Variants in SEC16A observed in about 807,000 individuals in gnomAD.
The protein encoded by SEC16A is protein transport protein Sec16A.
In SEC16A, 110 loss-of-function variants were observed where a neutral mutation model predicts 221.9. That is an observed-to-expected ratio of 0.50 (90% CI 0.42 to 0.58). The LOEUF (loss-of-function observed/expected upper bound fraction) is 0.58, where lower values mean the gene tolerates loss of function less well. SEC16A is among the 20% of genes least tolerant of loss of function. The pLI, the probability that SEC16A is intolerant of heterozygous loss-of-function variation, is 0.00. For synonymous variants in SEC16A, 1,393 were observed against 1,257.7 expected (o/e 1.11, Z -2.28); for missense variants, 3,165 against 3,097.8 (o/e 1.02, Z -0.52).
At chr9:136,473,973 G>C in intron 3 of SEC16A, 76 bp downstream of exon 3, 4 of 1,457,060 alleles carry the variant, frequency 2.7e-6, no homozygotes, top group Non-Finnish European at 3.7e-6. Context: ...CACTACTAAG[G>C]AATACACTGT....
rs7860546 is a variant in SEC16A at position 136,444,055 on chromosome 9, A to G, written c.6928-155T>C. Reference sequence around the variant, plus strand: ...AGACACTTCTTGCAACACTGGATTTAGTTATTTAATGGTTCAGAGAAAAAT... The same window carrying G: ...AGACACTTCTTGCAACACTGGATTTGGTTATTTAATGGTTCAGAGAAAAAT... On this transcript the variant is annotated intron_variant, in intron 30 of 31. Coordinates refer to ENST00000684901, the MANE Select transcript of SEC16A (RefSeq NM_014866.2). The G allele has an allele frequency of 2.1e-3, 1,162 of 552,976 alleles. 17 individuals carry two copies. The highest frequency in any genetic ancestry group is 0.02 in the African/African-American group (1,037 of 51,640). 34.3% of individuals were successfully genotyped at this position (552,976 alleles called of 1,614,324 possible).
At chr9:136,484,470 A>C, upstream of SEC16A, 1 of 1,211,700 alleles carries the variant, frequency 8.3e-7, no homozygotes. Flanking sequence ...ACTCACCTGC[A>C]CACCTGCCTG....
intron 22 of SEC16A, among the ~76,000 whole-genome samples, chr9:136,452,264 T>C (rs1461749418): frequency 1.3e-5 from 2 of 148,588 alleles, no homozygotes; most frequent in Non-Finnish European, 3.0e-5. Context: ...CTGGCCAAGA[T>C]GGTGAAACCC....
In SEC16A at chr9:136,466,323, G is replaced by T. The variant is rs1050199551; in HGVS notation, c.4069C>A (p.Leu1357Met). The T allele has an allele frequency of 1.6e-5, 25 of 1,570,912 alleles. No individual in the cohort carries two copies. The highest frequency in any genetic ancestry group is 2.0e-5 in the Non-Finnish European group (23 of 1,158,730). Residue 1357 changes from leucine to methionine, a missense_variant, in exon 7 of 32, where the codon CTG becomes ATG. Leu to Met is a conservative substitution (Grantham distance 15). Transcript: ENST00000684901. This position sits in a 1 kb window ranked among gnomAD's most constrained non-coding sequence, Gnocchi z 5.5. ...SVHSEHSARSLHSAHSLASRR... is the reference protein window; with the variant it reads ...SVHSEHSARSMHSAHSLASRR... ...CTGGCCAGGCTGTGTGCGCTGTGCA[G>T]GCTCCGTGCCGAGTGCTCGCTGTGG...
chr9:136,459,478 T>C lies in SEC16A; in HGVS notation c.5269A>G (p.Thr1757Ala). 6.2e-7 allele frequency: 1 copy of C among 1,607,984 alleles called. No individual in the cohort carries two copies. The highest frequency in any genetic ancestry group is 8.5e-7 in the Non-Finnish European group (1 of 1,176,942). The part of the protein sequence containing the change: ...QAGFGVYTKK[T>A]TKLVLIGSNH... ...GATCCGATTAAGACAAGCTTTGTAG[T>C]TTTCTTCGTGTAAACACCAAATCCC... Residue 1757 changes from threonine to alanine, a missense_variant, in exon 16 of 32, where the codon ACT (threonine) becomes GCT (alanine). Thr to Ala is a moderately conservative substitution (Grantham distance 58). Transcript: ENST00000684901. The surrounding 1 kb of genome is among the most constrained non-coding windows in gnomAD (Gnocchi z 6.1).
At chr9:136,484,492 G>C, upstream of SEC16A, 1 of 1,224,380 alleles carries the variant, frequency 8.2e-7, no homozygotes, top group Non-Finnish European at 1.0e-6. Context: ...CAAGGGCAGG[G>C]AAGAGCCGCG....
rs1298147422 is a variant in SEC16A at position 136,475,473 on chromosome 9, G to A, written c.2143C>T (p.Pro715Ser). ...GTTGCTGGGCTCTCACACTTCACGG[G>A]CCCCTGGGTCCTGGCTGAAGGCCTC... ...EKRPSARTQG[P>S]VKCESPATTL... Residue 715 changes from proline (P) to serine (S), a missense_variant, in exon 3 of 32, where the codon CCC becomes TCC. By Grantham distance (74) the Pro-to-Ser change is moderately conservative. Around this residue, in one of 3 missense-constraint regions of SEC16A, gnomAD observed 2,030 missense variants for 1,923.1 expected, o/e 1.06. Coordinates refer to ENST00000684901, the MANE Select transcript of SEC16A (RefSeq NM_014866.2). The surrounding 1 kb of genome is among the most constrained non-coding windows in gnomAD (Gnocchi z 5.0). The A allele has an allele frequency of 1.9e-6, 3 of 1,607,112 alleles. No individual in the cohort carries two copies. Among genetic ancestry groups the A allele is most frequent in the East Asian group, 2.2e-5 (1 of 44,738 alleles).
chr9:136,446,130 G>A (rs1836943166), intron 28 of SEC16A, among the ~76,000 whole-genome samples: 2 of 149,448 alleles, frequency 1.3e-5, no homozygotes, highest in Non-Finnish European at 3.0e-5. Flanking sequence ...TTTTGAGATG[G>A]AGTCTGGCTC....
rs754072791 is a variant in SEC16A, at chr9:136,475,260, C to G, written c.2356G>C (p.Gly786Arg). Residue 786 changes from glycine to arginine, a missense_variant, in exon 3 of 32, where the codon GGT becomes CGT. Physicochemically the swap from Gly to Arg is moderately radical, Grantham distance 125. Transcript: ENST00000684901. The surrounding 1 kb of genome is among the most constrained non-coding windows in gnomAD (Gnocchi z 5.0). The part of the protein sequence containing the change: ...AAPVQSRGGI[G>R]ASENLENPPK... ...GGATTCTCAAGGTTCTCAGAAGCAC[C>G]AATGCCACCTCGGCTCTGCACCGGG... 3 of 1,613,612 alleles carry G rather than the reference C, an allele frequency of 1.9e-6. No individual in the cohort carries two copies. The highest frequency in any genetic ancestry group is 4.5e-5 in the East Asian group (2 of 44,882).
At chr9:136,450,135 C>T (rs1006853780) in intron 23 of SEC16A, among the ~76,000 whole-genome samples, 1 of 152,000 alleles carries the variant, frequency 6.6e-6, no homozygotes, top group African/African-American at 2.4e-5. Flanking sequence ...ACCTGGGAGG[C>T]GGAGGTTGCA....
intron 3 of SEC16A, 142 bp downstream of exon 3, chr9:136,473,907 G>C (rs1841240932): frequency 1.1e-6 from 1 of 891,512 alleles, no homozygotes; most frequent in African/African-American, 1.7e-5. Context: ...AGCGTTACTG[G>C]AATACTGTTC....
Position 136,475,338 on chromosome 9 carries a change from G to T in SEC16A, c.2278C>A (p.Pro760Thr). Reference protein sequence around the residue: ...CAKPQPPVVQPPEEAMSGQQS... With the variant: ...CAKPQPPVVQTPEEAMSGQQS... ...TGCCCGGACATCGCCTCTTCTGGAG[G>T]CTGAACAACAGGTGGCTGAGGTTTT... is the stretch of plus-strand genomic sequence containing the variant. The change falls in exon 3 of 32, where the codon CCT (proline) becomes ACT (threonine). Residue 760 changes from proline (P) to threonine (T), a missense_variant. Pro to Thr is a conservative substitution (Grantham distance 38). Transcript: ENST00000684901. The surrounding 1 kb of genome is among the most constrained non-coding windows in gnomAD (Gnocchi z 5.0). The T allele has an allele frequency of 6.2e-7, 1 of 1,611,008 alleles. No homozygotes were observed. The highest frequency in any genetic ancestry group is 8.5e-7 in the Non-Finnish European group (1 of 1,177,830).
Position 136,440,788 on chromosome 9 carries a change from C to T in SEC16A, c.*967G>A, listed in dbSNP as rs1051609391. 6.6e-6 allele frequency: 1 copy of T among 152,568 alleles called. No homozygotes were observed. The highest frequency in any genetic ancestry group is 2.4e-5 in the African/African-American group (1 of 41,582). The allele number at this position is 152,568 out of a possible 1,614,324, so 9.5% of individuals were successfully genotyped here. A position where few individuals can be genotyped will look rare whatever the true frequency, so the allele number is the denominator to read the frequency against. ...CAAGTGCTACCAACCTCTGAACCAA[C>T]GTCCCCCAGGGGAGAAAGTGGGTCA... On this transcript the variant is annotated 3_prime_UTR_variant, in exon 32 of 32. Transcript: ENST00000684901.
intron 5 of SEC16A, among the ~76,000 whole-genome samples, chr9:136,467,758 T>C (rs1244536263): frequency 6.6e-6 from 1 of 152,214 alleles, no homozygotes; most frequent in African/African-American, 2.4e-5. Flanking sequence ...TAAATTTATA[T>C]TTAAAACAGG....
chr9:136,467,719 CATCTT>C (rs922885807), intron 5 of SEC16A, among the ~76,000 whole-genome samples: 8 of 152,212 alleles, frequency 5.3e-5, no homozygotes, highest in African/African-American at 1.9e-4. Flanking sequence ...GGTCTTTTAT[CATCTT>C]TTCTAAAGAT....
Position 136,445,706 on chromosome 9 carries a change from G to A in SEC16A, c.6806C>T (p.Ala2269Val), listed in dbSNP as rs199987574. 1.9e-5 allele frequency: 29 copies of A among 1,553,166 alleles called. No individual in the cohort carries two copies. In the East Asian group the frequency reaches 5.1e-4, roughly 27 times the overall value. The stretch of plus-strand genomic sequence containing the variant: ...GAGTTCAGAGCCAGGGAGTGACGCT[G>A]CAGAGCTTAAAACCTGCCGAGGAAA... ...PAPEPKVLSS[A>V]ASLPGSELPS... Residue 2269 changes from alanine to valine, a missense_variant, in exon 29 of 32, where the codon GCA becomes GTA. Around this residue, in one of 3 missense-constraint regions of SEC16A, gnomAD observed 1,088 missense variants for 1,089.6 expected, o/e 1.00. Transcript: ENST00000684901.
rs566515239 is a variant in SEC16A at position 136,454,853 on chromosome 9, G to T, written c.5858-526C>A. Among the ~76,000 whole-genome samples, 379 of 152,382 alleles carry T rather than the reference G, an allele frequency of 2.5e-3. 3 individuals carry two copies. The highest frequency in any genetic ancestry group is 0.011 in the South Asian group (53 of 4,834). On this transcript the variant is annotated intron_variant, in intron 20 of 31. Transcript: ENST00000684901. ...AAGGACAGCAATCAACCAGGAAGTG[G>T]TAACGGTGTCTGAGGACGAAGCAGA...
At position 136,477,187 on chromosome 9, in the gene SEC16A, C is replaced by T. The variant is rs751544899; in HGVS notation, c.429G>A (p.Glu143=). The change falls in exon 3 of 32, where the codon GAG becomes GAA. Residue 143 remains glutamate (E), a synonymous_variant. Transcript: ENST00000684901. The stretch of plus-strand genomic sequence containing the variant: ...CTTCAGGCTCTGAACTGGGACCGAC[C>T]TCTGCACTCCTGTTCATCTCAGGCC... ...PPGPEMNRSA[E]VGPSSEPEVQ... The T allele has an allele frequency of 2.5e-6, 4 of 1,613,840 alleles. No homozygotes were observed. The highest frequency in any genetic ancestry group is 2.5e-6 in the Non-Finnish European group (3 of 1,179,878).
At chr9:136,481,716 C>T (rs182733966) in intron 1 of SEC16A, among the ~76,000 whole-genome samples, 3 of 152,292 alleles carry the variant, frequency 2.0e-5, no homozygotes, top group African/African-American at 7.2e-5. Flanking sequence ...TTACCTACTG[C>T]CTACAGTCTC....
Sources: allele counts gnomAD v4.1 joint callset (sites outside exome capture counted in the v4.1 genomes callset), GRCh38; gene constraint gnomAD v4.1.1; regional missense constraint gnomAD v4.1.1; non-coding constraint Gnocchi (gnomAD v3.1); transcripts MANE v1.5; gene names NCBI Gene and HGNC (gene_info 2026-07-23, HGNC 2026-07-21).